The following SCUBE3 variants were observed in gnomAD, a reference collection of about 807,000 sequenced individuals.
SCUBE3 encodes signal peptide, CUB domain and EGF like domain containing 3, also known as signal peptide, CUB and EGF-like domain-containing protein 3.
SCUBE3 carries 33 observed loss-of-function variants against 116.8 expected under a neutral mutation model. That is an observed-to-expected ratio of 0.28 (90% CI 0.21 to 0.38). The LOEUF (loss-of-function observed/expected upper bound fraction) is 0.38, where lower values mean the gene tolerates loss of function less well. Among genes scored for constraint, SCUBE3 ranks in the 10% least tolerant of loss-of-function variants. The pLI is 1.00. For synonymous variants in SCUBE3, 418 were observed against 496.9 expected (o/e 0.84, Z 2.11); for missense variants, 1,007 against 1,324.8 (o/e 0.76, Z 3.72).
chr6:35,242,366 T>G (rs1562056875), intron 13 of SCUBE3, 46 bp downstream of exon 13: 1 of 1,319,158 alleles, frequency 7.6e-7, no homozygotes, highest in South Asian at 1.2e-5. Context: ...GGCCACTAAA[T>G]CCTCCTTACC....
chr6:35,237,873 T>C, intron 6 of SCUBE3, 29 bp from the exon 7 acceptor site: 1 of 1,435,602 alleles, frequency 7.0e-7, no homozygotes, highest in Non-Finnish European at 9.8e-7. Flanking sequence ...TGTAACCTCA[T>C]TACCATCCCC....
In SCUBE3 at chr6:35,233,930, C is replaced by T. The variant is rs932107058; in HGVS notation, c.712+629C>T. Reference sequence around the variant, plus strand: ...CTCCTCCAGATGCCAGTGGTACTCCCTCTCAGCTCCACCAGCAACCCTGTT... The same window carrying T: ...CTCCTCCAGATGCCAGTGGTACTCCTTCTCAGCTCCACCAGCAACCCTGTT... On this transcript the variant is annotated intron_variant, in intron 6 of 21. Coordinates refer to ENST00000274938, the MANE Select transcript of SCUBE3 (RefSeq NM_152753.4). This position sits in a 1 kb window ranked among gnomAD's most constrained non-coding sequence, Gnocchi z 5.7. 6.6e-6 allele frequency among the ~76,000 whole-genome samples: 1 copy of T among 152,166 alleles called. No individual in the cohort carries two copies. Among genetic ancestry groups the T allele is most frequent in the Admixed American group, 6.5e-5 (1 of 15,284 alleles).
At chr6:35,226,769 C>T (rs1450570184) in intron 1 of SCUBE3, among the ~76,000 whole-genome samples, 8 of 152,108 alleles carry the variant, frequency 5.3e-5, no homozygotes, top group African/African-American at 1.4e-4. Flanking sequence ...TGAGCCACCG[C>T]GCCTGGCATC....
chr6:35,238,320 G>A (rs992387587), intron 7 of SCUBE3, among the ~76,000 whole-genome samples: 5 of 152,118 alleles, frequency 3.3e-5, no homozygotes, highest in Non-Finnish European at 7.4e-5. Context: ...TTTGCTCCTG[G>A]GTCTGGAAGG....
Position 35,239,987 on chromosome 6 carries a change from T to A in SCUBE3, c.952+113T>A. ...CTCAATAGATATCACACAGAGTCTC[T>A]AGAGGCAGTGTCATCCTGCAAATTA... On this transcript the variant is annotated intron_variant, in intron 8 of 21. Coordinates refer to ENST00000274938, the MANE Select transcript of SCUBE3 (RefSeq NM_152753.4). The surrounding 1 kb of genome is among the most constrained non-coding windows in gnomAD (Gnocchi z 4.1). 1 of 918,470 alleles carries A rather than the reference T, an allele frequency of 1.1e-6. No individual in the cohort carries two copies. Among genetic ancestry groups the A allele is most frequent in the Non-Finnish European group, 1.6e-6 (1 of 635,356 alleles). 56.9% of individuals were successfully genotyped at this position (918,470 alleles called of 1,614,324 possible). A position where few individuals can be genotyped will look rare whatever the true frequency, so the allele number is the denominator to read the frequency against.
In SCUBE3 at chr6:35,243,456, C is replaced by G. The variant is rs904776489; in HGVS notation, c.1910-138C>G. 9 of 930,766 alleles carry G rather than the reference C, an allele frequency of 9.7e-6. No individual in the cohort carries two copies. The Admixed American group carries it at 1.2e-4, about 12-fold the overall frequency. The allele number at this position is 930,766 out of a possible 1,614,324, so 57.7% of individuals were successfully genotyped here. On this transcript the variant is annotated intron_variant, in intron 15 of 21. Coordinates refer to ENST00000274938, the MANE Select transcript of SCUBE3 (RefSeq NM_152753.4). This position sits in a 1 kb window ranked among gnomAD's most constrained non-coding sequence, Gnocchi z 6.6. ...ACACGGTTTTGACCCTCCTATCCCC[C>G]CAAGTAGGATTGTGTTTGTTCCCTG...
chr6:35,241,130 C>G lies in SCUBE3; in HGVS notation c.1070-11C>G, dbSNP rs777518337. The G allele has an allele frequency of 6.3e-7, 1 of 1,584,014 alleles. No homozygotes were observed. The highest frequency in any genetic ancestry group is 8.6e-7 in the Non-Finnish European group (1 of 1,157,278). On this transcript the variant is annotated splice_polypyrimidine_tract_variant and intron_variant, in intron 9 of 21. Coordinates refer to ENST00000274938, the MANE Select transcript of SCUBE3 (RefSeq NM_152753.4). The surrounding 1 kb of genome is among the most constrained non-coding windows in gnomAD (Gnocchi z 4.1). The stretch of plus-strand genomic sequence containing the variant: ...ATCGTTGTTTTTCTGTCTCCCTACT[C>G]CTTCCCCCAGATGTGGATGAATGCA...
intron 3 of SCUBE3, among the ~76,000 whole-genome samples, chr6:35,230,449 G>C (rs983366877): frequency 6.6e-6 from 1 of 152,188 alleles, no homozygotes; most frequent in African/African-American, 2.4e-5. Flanking sequence ...TTGGCTCTTA[G>C]GGGAATTTTG....
rs369592922 is a variant in SCUBE3, at chr6:35,233,221, C to T, written c.632C>T (p.Thr211Met). Residue 211 changes from threonine (T) to methionine (M), a missense_variant, in exon 6 of 22, where the codon ACG becomes ATG. By Grantham distance (81) the Thr-to-Met change is moderately conservative. Around this residue, in one of 5 missense-constraint regions of SCUBE3, gnomAD observed 214 missense variants for 316.7 expected, o/e 0.68. Transcript: ENST00000274938. The surrounding 1 kb of genome is among the most constrained non-coding windows in gnomAD (Gnocchi z 5.7). ...TATGGTAACGGCGGCTGCCAGCACA[C>T]GTGTGATGACACAGAGCAGGGTCCC... Reference protein sequence around the residue: ...CNYGNGGCQHTCDDTEQGPRC... With the variant: ...CNYGNGGCQHMCDDTEQGPRC... The T allele has an allele frequency of 2.0e-4, 322 of 1,613,640 alleles. No individual in the cohort carries two copies. The highest frequency in any genetic ancestry group is 2.6e-4 in the Non-Finnish European group (301 of 1,179,792).
rs1562048342 is a variant in SCUBE3, at chr6:35,231,892, G to C, written c.469+33G>C. ...CATGACCTGGGATGGCCCCATCCCT[G>C]CCCTCCCCAGGCTTCTCTTCCCAGC... On this transcript the variant is annotated intron_variant, in intron 4 of 21. Coordinates refer to ENST00000274938, the MANE Select transcript of SCUBE3 (RefSeq NM_152753.4). This position sits in a 1 kb window ranked among gnomAD's most constrained non-coding sequence, Gnocchi z 4.2. 2 of 1,576,252 alleles carry C rather than the reference G, an allele frequency of 1.3e-6. No homozygotes were observed. Among genetic ancestry groups the C allele is most frequent in the Non-Finnish European group, 1.7e-6 (2 of 1,152,832 alleles).
At chr6:35,246,502 T>C (rs1784344192) in intron 21 of SCUBE3, among the ~76,000 whole-genome samples, 1 of 152,174 alleles carries the variant, frequency 6.6e-6, no homozygotes, top group Non-Finnish European at 1.5e-5. Flanking sequence ...AGCCCAAGCC[T>C]ATCCGACTGC....
At chr6:35,237,110 C>A (rs1374986900) in intron 6 of SCUBE3, among the ~76,000 whole-genome samples, 2 of 152,178 alleles carry the variant, frequency 1.3e-5, no homozygotes, top group African/African-American at 4.8e-5. Context: ...CTCTGAGGTT[C>A]TCTAACTCTT....
chr6:35,238,061 G>A, intron 7 of SCUBE3, 43 bp downstream of exon 7: 1 of 1,216,956 alleles, frequency 8.2e-7, no homozygotes, highest in East Asian at 2.4e-5. Context: ...CCTTTGGTAA[G>A]GGGCTGAGGT....
chr6:35,248,854 TTC>T lies in SCUBE3; in HGVS notation c.*151_*152del. 3.1e-6 allele frequency: 2 copies of T among 644,820 alleles called. No individual in the cohort carries two copies. Among genetic ancestry groups the T allele is most frequent in the Non-Finnish European group, 5.4e-6 (2 of 370,292 alleles). 39.9% of individuals were successfully genotyped at this position (644,820 alleles called of 1,614,324 possible). A position where few individuals can be genotyped will look rare whatever the true frequency, so the allele number is the denominator to read the frequency against. On this transcript the variant is annotated 3_prime_UTR_variant, in exon 22 of 22. Coordinates refer to ENST00000274938, the MANE Select transcript of SCUBE3 (RefSeq NM_152753.4). Reference sequence around the variant, plus strand: ...ACTACACAAACCAGGCACTCTCCCTTTCTGTCTTTCTAGTTTCCTTTCCTTGT... The same window carrying T: ...ACTACACAAACCAGGCACTCTCCCTTTGTCTTTCTAGTTTCCTTTCCTTGT...
chr6:35,239,912 G>A lies in SCUBE3; in HGVS notation c.952+38G>A. 1.3e-6 allele frequency: 2 copies of A among 1,538,212 alleles called. No homozygotes were observed. Among genetic ancestry groups the A allele is most frequent in the African/African-American group, 1.4e-5 (1 of 71,228 alleles). ...AGCCAAAGGTGAAAGCCTTAGGAGA[G>A]GTTCTTGTGGGAGAGCTTCAAGGAG... On this transcript the variant is annotated intron_variant, in intron 8 of 21. Transcript: ENST00000274938. The surrounding 1 kb of genome is among the most constrained non-coding windows in gnomAD (Gnocchi z 4.1).
In SCUBE3 at chr6:35,240,325, G is replaced by T; in HGVS notation, c.953-49G>T. ...ACTTGGGTCCTTCACCTGAGCAAGG[G>T]TCAAGTGCTCCAAGACAGATTCAGT... is the stretch of plus-strand genomic sequence containing the variant. On this transcript the variant is annotated intron_variant, in intron 8 of 21. Transcript: ENST00000274938. This position sits in a 1 kb window ranked among gnomAD's most constrained non-coding sequence, Gnocchi z 4.6. 8.4e-7 allele frequency: 1 copy of T among 1,192,202 alleles called. No individual in the cohort carries two copies. Among genetic ancestry groups the T allele is most frequent in the East Asian group, 2.5e-5 (1 of 39,840 alleles). 73.9% of individuals were successfully genotyped at this position (1,192,202 alleles called of 1,614,324 possible).
rs569305850 is a variant in SCUBE3 at position 35,216,812 on chromosome 6, T to C, written c.85+2309T>C. 1.4e-4 allele frequency among the ~76,000 whole-genome samples: 21 copies of C among 152,180 alleles called. No individual in the cohort carries two copies. In the South Asian group the frequency reaches 4.4e-3, roughly 32 times the overall value. On this transcript the variant is annotated intron_variant, in intron 1 of 21. Transcript: ENST00000274938. ...TACTATACCTCTGGGGGTATCTGGG[T>C]TTCTGTCCCTTTTCATCAGTGATTC...
chr6:35,226,042 CA>C (rs1338783358), intron 1 of SCUBE3, among the ~76,000 whole-genome samples: 12 of 152,314 alleles, frequency 7.9e-5, no homozygotes, highest in African/African-American at 2.6e-4. Context: ...TTGGGTTTCC[CA>C]GTTTCCAGCT....
Position 35,245,505 on chromosome 6 carries a change from A to G in SCUBE3, c.2599+80A>G, listed in dbSNP as rs907361289. 3.3e-6 allele frequency: 4 copies of G among 1,194,798 alleles called. No homozygotes were observed. The African/African-American group carries it at 6.0e-5, about 18-fold the overall frequency. 74.0% of individuals were successfully genotyped at this position (1,194,798 alleles called of 1,614,324 possible). Reference sequence around the variant, plus strand: ...GGAGAACAAAGAGAGAGACTGATACAGGAAGAAATGGGGCAGTGAAGTTAG... The same window carrying G: ...GGAGAACAAAGAGAGAGACTGATACGGGAAGAAATGGGGCAGTGAAGTTAG... On this transcript the variant is annotated intron_variant, in intron 19 of 21. Coordinates refer to ENST00000274938, the MANE Select transcript of SCUBE3 (RefSeq NM_152753.4). The surrounding 1 kb of genome is among the most constrained non-coding windows in gnomAD (Gnocchi z 4.2).
Sources: allele counts gnomAD v4.1 joint callset (sites outside exome capture counted in the v4.1 genomes callset), GRCh38; gene constraint gnomAD v4.1.1; regional missense constraint gnomAD v4.1.1; non-coding constraint Gnocchi (gnomAD v3.1); transcripts MANE v1.5; gene names NCBI Gene and HGNC (gene_info 2026-07-23, HGNC 2026-07-21).